Variants in LARGE1 observed in about 807,000 individuals in gnomAD.
The protein encoded by LARGE1 is xylosyl- and glucuronyltransferase LARGE1.
In LARGE1, 43 loss-of-function variants were observed where a neutral mutation model predicts 87.6. The observed-to-expected ratio is 0.49, with a 90% CI of 0.38 to 0.63. The LOEUF is 0.63. Among genes scored for constraint, LARGE1 ranks in the 30% least tolerant of loss-of-function variants. The pLI is 0.00. For synonymous variants in LARGE1, 434 were observed against 394.6 expected (o/e 1.10, Z -1.18); for missense variants, 802 against 1,000.2 (o/e 0.80, Z 2.67).
intron 6 of LARGE1, among the ~76,000 whole-genome samples, chr22:33,546,434 G>C (rs1228494174): frequency 6.6e-6 from 1 of 152,124 alleles, no homozygotes; most frequent in African/African-American, 2.4e-5. Context: ...CCCAGGTTCC[G>C]AAATTAATGA....
chr22:33,236,237 C>T (rs1033213857), intron 11 of LARGE1, among the ~76,000 whole-genome samples: 2 of 152,144 alleles, frequency 1.3e-5, no homozygotes, highest in East Asian at 3.8e-4. Flanking sequence ...TGCATGACAG[C>T]CCTAGGAAAC....
chr22:33,434,462 A>C (rs2067192413), intron 6 of LARGE1, among the ~76,000 whole-genome samples: 1 of 152,020 alleles, frequency 6.6e-6, no homozygotes, highest in Admixed American at 6.6e-5. Flanking sequence ...CACCACACCC[A>C]GTTAATTTTG....
At chr22:33,837,876 G>A (rs949830161) in intron 1 of LARGE1, among the ~76,000 whole-genome samples, 1 of 152,194 alleles carries the variant, frequency 6.6e-6, no homozygotes, top group South Asian at 2.1e-4. Flanking sequence ...AAGTTTCAGG[G>A]TGGGAAAGTT....
the LARGE1 span, among the ~76,000 whole-genome samples, chr22:33,127,168 G>A: frequency 6.6e-6 from 1 of 152,194 alleles, no homozygotes; most frequent in Non-Finnish European, 1.5e-5. Flanking sequence ...GGAACGCATA[G>A]GAGCAAGTGA....
At position 33,225,379 on chromosome 22, in the gene LARGE1, G is replaced by A. The variant is rs112104455; in HGVS notation, c.1731-58547C>T. 4.8e-3 allele frequency among the ~76,000 whole-genome samples: 734 copies of A among 152,314 alleles called. 7 individuals are homozygous for A. The highest frequency in any genetic ancestry group is 0.017 in the African/African-American group (694 of 41,562). ...AGATCAATGATTGAGCATTTACAAT[G>A]TGCTGGGCACTGTGCTAGCTGCTTT... is the stretch of plus-strand genomic sequence containing the variant. On this transcript the variant is annotated intron_variant, in intron 11 of 11. Coordinates refer to the LARGE1 transcript ENST00000608642.
At chr22:33,296,933 T>C (rs1327290843) in intron 12 of LARGE1, among the ~76,000 whole-genome samples, 1 of 152,198 alleles carries the variant, frequency 6.6e-6, no homozygotes, top group Non-Finnish European at 1.5e-5. Flanking sequence ...CGTCCTCATT[T>C]GTAAGATGAA....
the LARGE1 span, among the ~76,000 whole-genome samples, chr22:33,072,160 T>C: frequency 6.6e-6 from 1 of 152,164 alleles, no homozygotes; most frequent in Non-Finnish European, 1.5e-5. Flanking sequence ...AAAGACTGTC[T>C]CTCGAGATCT....
intron 6 of LARGE1, among the ~76,000 whole-genome samples, chr22:33,441,630 T>A (rs976451610): frequency 6.6e-6 from 1 of 151,600 alleles, no homozygotes. Context: ...TAACTTTAAA[T>A]TTTTTTTTGT....
intron 12 of LARGE1, among the ~76,000 whole-genome samples, chr22:33,290,269 A>G (rs58653235): frequency 0.031 from 4,769 of 152,226 alleles, 233 homozygotes; most frequent in African/African-American, 0.11. Context: ...AGATTACGGG[A>G]AAGTGTCTCG....
At chr22:33,614,704 C>T (rs924082958) in intron 4 of LARGE1, among the ~76,000 whole-genome samples, 20 of 152,300 alleles carry the variant, frequency 1.3e-4, no homozygotes, top group Non-Finnish European at 2.2e-4. Flanking sequence ...CACTCTCCAT[C>T]CCACTGTCCT....
chr22:33,622,757 G>A (rs948844197), intron 4 of LARGE1, among the ~76,000 whole-genome samples: 1 of 152,204 alleles, frequency 6.6e-6, no homozygotes, highest in Non-Finnish European at 1.5e-5. Flanking sequence ...CTAGTGCCAT[G>A]CCCACTGGAG....
At chr22:33,520,277 T>C (rs1380479605) in intron 6 of LARGE1, among the ~76,000 whole-genome samples, 1 of 152,152 alleles carries the variant, frequency 6.6e-6, no homozygotes, top group Non-Finnish European at 1.5e-5. Context: ...GGTCTCACTA[T>C]GTTGCCCAGG....
rs2064023990 is a variant in LARGE1 at position 33,864,369 on chromosome 22, C to T, written c.-83+55626G>A. Among the ~76,000 whole-genome samples the T allele has an allele frequency of 4.6e-5, 7 of 152,210 alleles. 1 individual carries two copies. In the South Asian group the frequency reaches 1.5e-3, roughly 32 times the overall value. ...TGATATAAATAAATAGCCCAAAGCA[C>T]AATACAGATACTAAGTACATACATG... On this transcript the variant is annotated intron_variant, in intron 1 of 14. Transcript: ENST00000397394.
chr22:33,430,654 C>T (rs1448554666), intron 7 of LARGE1, among the ~76,000 whole-genome samples: 2 of 152,198 alleles, frequency 1.3e-5, no homozygotes, highest in East Asian at 1.9e-4. Flanking sequence ...GGAATGTCCC[C>T]GTCTCTTAGG....
chr22:33,503,510 T>A (rs565484112), intron 6 of LARGE1, among the ~76,000 whole-genome samples: 1 of 152,188 alleles, frequency 6.6e-6, no homozygotes, highest in Admixed American at 6.5e-5. Flanking sequence ...ATGCAAAAAC[T>A]TTTATGTGAG....
At chr22:33,649,910 A>T (rs1244585417) in intron 3 of LARGE1, among the ~76,000 whole-genome samples, 1 of 152,256 alleles carries the variant, frequency 6.6e-6, no homozygotes, top group Admixed American at 6.5e-5. Context: ...GATAAGGAAC[A>T]AGTCTGTGGT....
intron 2 of LARGE1, among the ~76,000 whole-genome samples, chr22:33,755,513 A>G (rs1427518585): frequency 6.6e-6 from 1 of 152,234 alleles, no homozygotes; most frequent in African/African-American, 2.4e-5. Flanking sequence ...CTTGATGGAC[A>G]GAAAAGAAGA....
chr22:33,829,374 C>A (rs2062900542), intron 1 of LARGE1, among the ~76,000 whole-genome samples: 1 of 151,954 alleles, frequency 6.6e-6, no homozygotes. Context: ...AGCCTCTGAC[C>A]CCACTACCAT....
chr22:33,815,148 A>C (rs559386717), intron 1 of LARGE1, among the ~76,000 whole-genome samples: 1 of 152,242 alleles, frequency 6.6e-6, no homozygotes, highest in South Asian at 2.1e-4. Context: ...GCCCAGCCAA[A>C]CTGGTTCTTC....
Sources: gnomAD v4.1 joint callset for allele counts (sites outside exome capture counted in the v4.1 genomes callset) on GRCh38, gnomAD v4.1.1 for gene constraint, MANE v1.5 for transcripts, NCBI Gene and HGNC (gene_info 2026-07-23, HGNC 2026-07-21) for gene names.